KCNJ9: variants seen among roughly 807,000 people sequenced by gnomAD.
KCNJ9 encodes potassium inwardly rectifying channel subfamily J member 9.
A neutral mutation model predicts 27.9 loss-of-function variants in KCNJ9; 18 were observed. The ratio of observed to expected loss-of-function variants is 0.65; its 90% CI spans 0.45 to 0.96. KCNJ9 has a LOEUF of 0.96. Ranked by LOEUF, KCNJ9 falls within the 40% of genes least tolerant of loss-of-function variation. KCNJ9 has a pLI of 0.00. For synonymous variants in KCNJ9, 229 were observed against 248.2 expected, an observed-to-expected ratio of 0.92 and a Z score of 0.73; for missense variants, 324 against 557.5, an observed-to-expected ratio of 0.58 and a Z score of 4.22.
At position 160,090,173 on chromosome 1, in the gene KCNJ9, G is replaced by A. The variant is rs1409803045; in HGVS notation, c.*2356G>A. ...AGCCTGGCATTGACTGGTCCCCTAA[G>A]AACAGATGTTGGGATGGAGAATGGG... is the stretch of plus-strand genomic sequence containing the variant. On this transcript the variant is annotated 3_prime_UTR_variant, in exon 3 of 3. Transcript: ENST00000368088. 4 of 152,194 alleles carry A rather than the reference G, an allele frequency of 2.6e-5. No individual in the cohort carries two copies. The highest frequency in any genetic ancestry group is 9.7e-5 in the African/African-American group (4 of 41,422). 9.4% of individuals were successfully genotyped at this position (152,194 alleles called of 1,614,324 possible). A position where few individuals can be genotyped will look rare whatever the true frequency, so the allele number is the denominator to read the frequency against.
At chr1:160,086,523 C>A (rs1037938549) in intron 2 of KCNJ9, among the ~76,000 whole-genome samples, 1 of 152,030 alleles carries the variant, frequency 6.6e-6, no homozygotes, top group Non-Finnish European at 1.5e-5. Context: ...GAATAATGAG[C>A]CAAAACCCAG....
chr1:160,087,128 T>C (rs1252901337), intron 2 of KCNJ9, among the ~76,000 whole-genome samples: 1 of 152,222 alleles, frequency 6.6e-6, no homozygotes, highest in Non-Finnish European at 1.5e-5. Flanking sequence ...TAATCAAGTA[T>C]AAGCTAGATG....
chr1:160,082,686 G>T (rs947715297), intron 1 of KCNJ9, among the ~76,000 whole-genome samples: 1 of 152,214 alleles, frequency 6.6e-6, no homozygotes, highest in Non-Finnish European at 1.5e-5. Context: ...CCACTAGCCA[G>T]CCCACGTTTC....
intron 1 of KCNJ9, among the ~76,000 whole-genome samples, chr1:160,083,607 C>T (rs975900681): frequency 6.6e-6 from 1 of 152,106 alleles, no homozygotes; most frequent in African/African-American, 2.4e-5. Flanking sequence ...GGTCTTTGGC[C>T]CCGGGGCTGC....
chr1:160,084,247 C>A lies in KCNJ9; in HGVS notation c.217C>A (p.Leu73Ile), dbSNP rs1386127349. ...CGTCCTGGCCTACGCGCTCACCTGG[C>A]TCTTCTTCGGCGCCATCTGGTGGCT... Reference protein sequence around the residue: ...FFVLAYALTWLFFGAIWWLIA... With the variant: ...FFVLAYALTWIFFGAIWWLIA... Residue 73 changes from leucine to isoleucine, a missense_variant, in exon 2 of 3, where the codon CTC (leucine) becomes ATC (isoleucine). Leu to Ile is a conservative substitution (Grantham distance 5, BLOSUM62 2). Transcript: ENST00000368088. 1 of 1,613,478 alleles carries A rather than the reference C, an allele frequency of 6.2e-7. No homozygotes were observed. Among genetic ancestry groups the A allele is most frequent in the Non-Finnish European group, 8.5e-7 (1 of 1,179,846 alleles).
In KCNJ9 at chr1:160,084,199, T is replaced by C; in HGVS notation, c.169T>C (p.Trp57Arg). ...DLFTTLVDLQ[W>R]RLSLLFFVLA... ...GTTCACCACGCTGGTGGACCTGCAG[T>C]GGCGCCTCAGCCTGTTGTTCTTCGT... The change falls in exon 2 of 3, where the codon TGG (tryptophan) becomes CGG (arginine). Residue 57 changes from tryptophan to arginine, a missense_variant. Around this residue, in one of 3 missense-constraint regions of KCNJ9, gnomAD observed 241 missense variants for 481.7 expected, o/e 0.50. Transcript: ENST00000368088. The C allele has an allele frequency of 6.2e-7, 1 of 1,611,834 alleles. No homozygotes were observed. Among genetic ancestry groups the C allele is most frequent in the Non-Finnish European group, 8.5e-7 (1 of 1,179,114 alleles).
rs1380131959 is a variant in KCNJ9, at chr1:160,084,025, G to A, written c.-6G>A. The A allele has an allele frequency of 5.0e-6, 7 of 1,391,434 alleles. No individual in the cohort carries two copies. Among genetic ancestry groups the A allele is most frequent in the Non-Finnish European group, 6.5e-6 (7 of 1,078,484 alleles). The allele number at this position is 1,391,434 out of a possible 1,614,324, so 86.2% of individuals were successfully genotyped here. A position where few individuals can be genotyped will look rare whatever the true frequency, so the allele number is the denominator to read the frequency against. On this transcript the variant is annotated 5_prime_UTR_variant, in exon 2 of 3. Transcript: ENST00000368088. ...CGCCCGCAGCGCTCGCCCTGACGCG[G>A]CCGCCATGGCGCAGGAGAACGCGGC... is the stretch of plus-strand genomic sequence containing the variant.
rs1308581754 is a variant in KCNJ9 at position 160,084,718 on chromosome 1, G to A, written c.688G>A (p.Val230Met). 2 of 1,589,038 alleles carry A rather than the reference G, an allele frequency of 1.3e-6. No homozygotes were observed. The highest frequency in any genetic ancestry group is 1.7e-6 in the Non-Finnish European group (2 of 1,167,330). The change falls in exon 2 of 3, where the codon GTG becomes ATG. Residue 230 changes from valine (V) to methionine (M), a missense_variant. Around this residue, in one of 3 missense-constraint regions of KCNJ9, gnomAD observed 241 missense variants for 481.7 expected, o/e 0.50. Transcript: ENST00000368088. Reference sequence around the variant, plus strand: ...CCCGCTGCACCAGACCGACCTCAGCGTGGGCTTCGACACGGGAGACGACCG... The same window carrying A: ...CCCGCTGCACCAGACCGACCTCAGCATGGGCTTCGACACGGGAGACGACCG... ...FIPLHQTDLS[V>M]GFDTGDDRLF...
Position 160,090,417 on chromosome 1 carries a change from C to A in KCNJ9, c.*2600C>A. 1 of 152,484 alleles carries A rather than the reference C, an allele frequency of 6.6e-6. No homozygotes were observed. The highest frequency in any genetic ancestry group is 2.1e-4 in the South Asian group (1 of 4,838). 9.4% of individuals were successfully genotyped at this position (152,484 alleles called of 1,614,324 possible). A position where few individuals can be genotyped will look rare whatever the true frequency, so the allele number is the denominator to read the frequency against. Reference sequence around the variant, plus strand: ...CTCAGGGCACCACTGTACAGTGCAACAAGTCAGGAGACCTAGGTCCTACTC... The same window carrying A: ...CTCAGGGCACCACTGTACAGTGCAAAAAGTCAGGAGACCTAGGTCCTACTC... On this transcript the variant is annotated 3_prime_UTR_variant, in exon 3 of 3. Coordinates refer to ENST00000368088, the MANE Select transcript of KCNJ9 (RefSeq NM_004983.3).
intron 1 of KCNJ9, among the ~76,000 whole-genome samples, chr1:160,082,117 G>A (rs1320895850): frequency 6.6e-6 from 1 of 152,238 alleles, no homozygotes; most frequent in Non-Finnish European, 1.5e-5. Context: ...TTCTGGGGGT[G>A]ATCCGACATC....
At chr1:160,082,671 C>T (rs1365448709) in intron 1 of KCNJ9, among the ~76,000 whole-genome samples, 1 of 152,216 alleles carries the variant, frequency 6.6e-6, no homozygotes, top group African/African-American at 2.4e-5. Context: ...TCCTCCATCC[C>T]CCACCCACTA....
chr1:160,087,733 G>C lies in KCNJ9; in HGVS notation c.1098G>C (p.Ala366=). The C allele has an allele frequency of 1.1e-6, 1 of 904,964 alleles. No homozygotes were observed. The highest frequency in any genetic ancestry group is 1.5e-6 in the Non-Finnish European group (1 of 651,534). 56.1% of individuals were successfully genotyped at this position (904,964 alleles called of 1,614,324 possible). A position where few individuals can be genotyped will look rare whatever the true frequency, so the allele number is the denominator to read the frequency against. The change falls in exon 3 of 3, where the codon GCG becomes GCC. Residue 366 remains alanine (A), a synonymous_variant. Transcript: ENST00000368088. ...ATGAGAAGGTGGAGGAGGAGGGGGC[G>C]GGGGAGGGGGCGGGTGGGGAAGCTG... ...RLDEKVEEEG[A]GEGAGGEAGA...
chr1:160,083,983 C>A lies in KCNJ9; in HGVS notation c.-48C>A. 1.6e-6 allele frequency: 2 copies of A among 1,223,626 alleles called. No individual in the cohort carries two copies. The highest frequency in any genetic ancestry group is 2.0e-6 in the Non-Finnish European group (2 of 985,418). The allele number at this position is 1,223,626 out of a possible 1,614,324, so 75.8% of individuals were successfully genotyped here. ...CGCGGCAGGTGGCAGCAGCTCGGGC[C>A]CCCGCCGCACTCCAGGCGCCCGCAG... On this transcript the variant is annotated 5_prime_UTR_variant, in exon 2 of 3. Coordinates refer to ENST00000368088, the MANE Select transcript of KCNJ9 (RefSeq NM_004983.3).
chr1:160,088,416 CAT>C lies in KCNJ9; in HGVS notation c.*600_*601del, dbSNP rs970240485. 5 of 152,344 alleles carry C rather than the reference CAT, an allele frequency of 3.3e-5. No individual in the cohort carries two copies. The highest frequency in any genetic ancestry group is 1.2e-4 in the African/African-American group (5 of 41,518). The allele number at this position is 152,344 out of a possible 1,614,324, so 9.4% of individuals were successfully genotyped here. On this transcript the variant is annotated 3_prime_UTR_variant, in exon 3 of 3. Coordinates refer to ENST00000368088, the MANE Select transcript of KCNJ9 (RefSeq NM_004983.3). ...GAAAGGAGCCGGACCAAGATGGGCA[CAT>C]GAGGAGGGTGCCCTCCTAGCTCCAC... is the stretch of plus-strand genomic sequence containing the variant.
chr1:160,084,639 C>G lies in KCNJ9; in HGVS notation c.609C>G (p.Ala203=). Residue 203 remains alanine, a synonymous_variant, in exon 2 of 3, where the codon GCC becomes GCG. Transcript: ENST00000368088. ...GDLRSSHIVE[A]SIRAKLIRSR... is the part of the protein sequence containing the mutation. The stretch of plus-strand genomic sequence containing the variant: ...TGCGCTCCTCACACATAGTGGAGGC[C>G]TCCATCCGCGCCAAGCTCATCCGCT... The G allele has an allele frequency of 6.2e-7, 1 of 1,603,852 alleles. No individual in the cohort carries two copies. The highest frequency in any genetic ancestry group is 8.5e-7 in the Non-Finnish European group (1 of 1,175,434).
chr1:160,084,766 G>T lies in KCNJ9; in HGVS notation c.736G>T (p.Val246Phe). Residue 246 changes from valine (V) to phenylalanine (F), a missense_variant, in exon 2 of 3, where the codon GTT (valine) becomes TTT (phenylalanine). Physicochemically the swap from Val to Phe is conservative, Grantham distance 50. Around this residue, in one of 3 missense-constraint regions of KCNJ9, gnomAD observed 241 missense variants for 481.7 expected, o/e 0.50. Transcript: ENST00000368088. Reference sequence around the variant, plus strand: ...CCGCCTCTTCCTCGTCTCGCCGCTGGTTATCAGCCACGAGATCGACGCCGC... The same window carrying T: ...CCGCCTCTTCCTCGTCTCGCCGCTGTTTATCAGCCACGAGATCGACGCCGC... Reference protein sequence around the residue: ...DDRLFLVSPLVISHEIDAASP... With the variant: ...DDRLFLVSPLFISHEIDAASP... 6.4e-7 allele frequency: 1 copy of T among 1,564,414 alleles called. No homozygotes were observed. Among genetic ancestry groups the T allele is most frequent in the East Asian group, 2.4e-5 (1 of 41,944 alleles).
rs965257633 is a variant in KCNJ9, at chr1:160,089,545, C to T, written c.*1728C>T. 8 of 152,362 alleles carry T rather than the reference C, an allele frequency of 5.3e-5. No homozygotes were observed. Among genetic ancestry groups the T allele is most frequent in the East Asian group, 3.9e-4 (2 of 5,182 alleles). 9.4% of individuals were successfully genotyped at this position (152,362 alleles called of 1,614,324 possible). A position where few individuals can be genotyped will look rare whatever the true frequency, so the allele number is the denominator to read the frequency against. On this transcript the variant is annotated 3_prime_UTR_variant, in exon 3 of 3. Transcript: ENST00000368088. ...GGCAAGATTGAATGTGGGAGAAAATCGGAGAGAAGCGATAGGAGTTAGAAC... is the reference window on the plus strand; with the variant it reads ...GGCAAGATTGAATGTGGGAGAAAATTGGAGAGAAGCGATAGGAGTTAGAAC...
In KCNJ9 at chr1:160,087,916, G is replaced by A. The variant is rs1287273260; in HGVS notation, c.*99G>A. ...GTGGAGGAGGAGGAGGAGGAGGAAG[G>A]CAAAGCCCCTGGAAATGTGCTAAAG... On this transcript the variant is annotated 3_prime_UTR_variant, in exon 3 of 3. Transcript: ENST00000368088. The A allele has an allele frequency of 1.7e-6, 2 of 1,181,458 alleles. No homozygotes were observed. The highest frequency in any genetic ancestry group is 2.4e-5 in the South Asian group (1 of 41,656). 73.2% of individuals were successfully genotyped at this position (1,181,458 alleles called of 1,614,324 possible).
At position 160,084,813 on chromosome 1, in the gene KCNJ9, G is replaced by T. The variant is rs779767337; in HGVS notation, c.783G>T (p.Ser261=). The T allele has an allele frequency of 1.4e-5, 22 of 1,550,082 alleles. No individual in the cohort carries two copies. Among genetic ancestry groups the T allele is most frequent in the Admixed American group, 1.2e-4 (6 of 51,054 alleles). The stretch of plus-strand genomic sequence containing the variant: ...CCGCCAGCCCCTTCTGGGAGGCGTC[G>T]CGCCGTGCCCTCGAGAGGGACGACT... ...IDAASPFWEA[S]RRALERDDFE... is the part of the protein sequence containing the mutation. The change falls in exon 2 of 3, where the codon TCG becomes TCT. Residue 261 remains serine, a synonymous_variant. Transcript: ENST00000368088.
Sources: allele counts gnomAD v4.1 joint callset (sites outside exome capture counted in the v4.1 genomes callset), GRCh38; gene constraint gnomAD v4.1.1; regional missense constraint gnomAD v4.1.1; transcripts MANE v1.5; gene names NCBI Gene and HGNC (gene_info 2026-07-23, HGNC 2026-07-21).